The following ADAMTS16 variants were observed in gnomAD, a reference collection of about 807,000 sequenced individuals.
ADAMTS16 encodes A disintegrin and metalloproteinase with thrombospondin motifs 16.
In ADAMTS16, 94 loss-of-function variants were observed where a neutral mutation model predicts 145.8. The observed-to-expected ratio is 0.64, with a 90% CI of 0.55 to 0.77. The LOEUF (loss-of-function observed/expected upper bound fraction) is 0.77. Ranked by LOEUF, ADAMTS16 falls within the 30% of genes least tolerant of loss-of-function variation. The pLI, the probability that ADAMTS16 is intolerant of heterozygous loss-of-function variation, is 0.00. For missense variants in ADAMTS16, 1,585 were observed against 1,591.5 expected (o/e 1.00, Z 0.07); for synonymous variants, 659 against 604.3 (o/e 1.09, Z -1.33).
At chr5:5,216,845 G>A (rs2126334624) in intron 10 of ADAMTS16, among the ~76,000 whole-genome samples, 1 of 145,902 alleles carries the variant, frequency 6.9e-6, no homozygotes, top group South Asian at 2.2e-4. Flanking sequence ...CTATGAGTGA[G>A]AATATGCGGT....
intron 18 of ADAMTS16, among the ~76,000 whole-genome samples, chr5:5,292,380 C>T (rs959978106): frequency 1.3e-5 from 2 of 151,900 alleles, no homozygotes; most frequent in African/African-American, 4.8e-5. Context: ...GCCTGTAATC[C>T]CAGCTACTTG....
At chr5:5,294,604 T>C (rs1739455416) in intron 18 of ADAMTS16, among the ~76,000 whole-genome samples, 1 of 152,234 alleles carries the variant, frequency 6.6e-6, no homozygotes. Context: ...CACAGAAATG[T>C]CTAGAATAAT....
intron 2 of ADAMTS16, 38 bp downstream of exon 2, chr5:5,140,804 T>G (rs1199608446): frequency 1.3e-6 from 2 of 1,507,086 alleles, no homozygotes; most frequent in Non-Finnish European, 1.8e-6. Context: ...TCCTTGCCAT[T>G]TAGCAGCTCG....
chr5:5,161,920 C>T (rs1734751434), intron 3 of ADAMTS16, among the ~76,000 whole-genome samples: 1 of 152,182 alleles, frequency 6.6e-6, no homozygotes. Flanking sequence ...ATTTATCTTA[C>T]TGTTCTTTTT....
chr5:5,214,782 T>G (rs1251870115), intron 10 of ADAMTS16, among the ~76,000 whole-genome samples: 4 of 152,194 alleles, frequency 2.6e-5, no homozygotes, highest in Non-Finnish European at 5.9e-5. Flanking sequence ...TTACATATGG[T>G]GTGGCAATTA....
At chr5:5,215,876 A>G (rs1045996704) in intron 10 of ADAMTS16, among the ~76,000 whole-genome samples, 18,123 of 51,898 alleles carry the variant, frequency 0.35, 2,064 homozygotes, top group East Asian at 0.65. Flanking sequence ...ATGTGTATAT[A>G]TATATATATA....
At chr5:5,264,322 C>T (rs191844604) in intron 18 of ADAMTS16, among the ~76,000 whole-genome samples, 11 of 152,226 alleles carry the variant, frequency 7.2e-5, no homozygotes, top group Non-Finnish European at 1.6e-4. Flanking sequence ...TAAAAACCAC[C>T]TGAGATCACA....
At chr5:5,187,587 C>T (rs1359838625) in intron 5 of ADAMTS16, 138 bp from the exon 6 acceptor site, 2 of 679,100 alleles carry the variant, frequency 2.9e-6, no homozygotes, top group East Asian at 2.8e-5. Flanking sequence ...ATGATTAATA[C>T]ATCTGTCTGC....
At chr5:5,261,380 C>A (rs1738014774) in intron 17 of ADAMTS16, among the ~76,000 whole-genome samples, 1 of 152,186 alleles carries the variant, frequency 6.6e-6, no homozygotes, top group South Asian at 2.1e-4. Context: ...TCAAGCGATT[C>A]ACATGCCTAA....
chr5:5,300,609 C>T (rs1739730589), intron 18 of ADAMTS16, among the ~76,000 whole-genome samples: 2 of 152,154 alleles, frequency 1.3e-5, no homozygotes, highest in African/African-American at 2.4e-5. Flanking sequence ...GCAAGTAAAA[C>T]GATCATGGTG....
intron 10 of ADAMTS16, among the ~76,000 whole-genome samples, chr5:5,212,801 G>T (rs956080441): frequency 1.3e-5 from 2 of 152,082 alleles, no homozygotes; most frequent in Non-Finnish European, 2.9e-5. Context: ...TTATATAGTA[G>T]ATTTCAATCT....
intron 7 of ADAMTS16, 56 bp from the exon 8 acceptor site, chr5:5,191,629 A>C: frequency 1.5e-6 from 2 of 1,378,952 alleles, no homozygotes; most frequent in Non-Finnish European, 2.1e-6. Flanking sequence ...TAAATATACT[A>C]TGCTTTATTT....
chr5:5,318,363 G>C (rs1167645755), intron 22 of ADAMTS16, 82 bp downstream of exon 22: 1 of 1,281,680 alleles, frequency 7.8e-7, no homozygotes, highest in African/African-American at 1.5e-5. Context: ...GGGGGGCCTG[G>C]AGTTAGGGTC....
Position 5,209,111 on chromosome 5 carries a change from C to T in ADAMTS16, c.1470C>T (p.Cys490=). ...HKFLSTAQAI[C]LADQPKPVKE... ...GTTTCAGCACCGCTCAAGCTATCTG[C>T]CTTGCTGATCAGCCAAAGCCTGTGA... is the stretch of plus-strand genomic sequence containing the variant. The change falls in exon 10 of 23, where the codon TGC becomes TGT. Residue 490 remains cysteine (C), a synonymous_variant. Coordinates refer to ENST00000274181, the MANE Select transcript of ADAMTS16 (RefSeq NM_139056.4). 6.2e-7 allele frequency: 1 copy of T among 1,613,566 alleles called. No homozygotes were observed. The highest frequency in any genetic ancestry group is 1.1e-5 in the South Asian group (1 of 90,980).
At chr5:5,170,993 T>C (rs1343082893) in intron 3 of ADAMTS16, among the ~76,000 whole-genome samples, 1 of 152,218 alleles carries the variant, frequency 6.6e-6, no homozygotes, top group Admixed American at 6.5e-5. Flanking sequence ...TGTCACTTCT[T>C]TGGTTAATTC....
intron 18 of ADAMTS16, among the ~76,000 whole-genome samples, chr5:5,268,715 G>A (rs990335553): frequency 2.6e-5 from 4 of 152,158 alleles, no homozygotes; most frequent in Non-Finnish European, 4.4e-5. Flanking sequence ...GCTAAGGTCT[G>A]GCCCATGGGA....
chr5:5,259,301 A>T (rs1737910703), intron 17 of ADAMTS16, among the ~76,000 whole-genome samples: 1 of 152,108 alleles, frequency 6.6e-6, no homozygotes, highest in Admixed American at 6.5e-5. Flanking sequence ...GGATCCTGTG[A>T]CCACTCAGGC....
chr5:5,205,198 C>A (rs1736063888), intron 9 of ADAMTS16, among the ~76,000 whole-genome samples: 1 of 150,742 alleles, frequency 6.6e-6, no homozygotes, highest in Admixed American at 6.6e-5. Flanking sequence ...GACTCTGTGA[C>A]TTTTTATTTA....
chr5:5,182,370 T>G, intron 4 of ADAMTS16, 65 bp downstream of exon 4: 1 of 1,548,758 alleles, frequency 6.5e-7, no homozygotes, highest in South Asian at 1.2e-5. Context: ...TGATGGAAGC[T>G]TGTACATTTT....
Sources: allele counts gnomAD v4.1 joint callset (sites outside exome capture counted in the v4.1 genomes callset), GRCh38; gene constraint gnomAD v4.1.1; transcripts MANE v1.5; gene names NCBI Gene and HGNC (gene_info 2026-07-23, HGNC 2026-07-21).